EFHB: variants seen among roughly 807,000 people sequenced by gnomAD.
The protein encoded by EFHB is EF-hand domain-containing family member B.
In EFHB, 91 loss-of-function variants were observed where a neutral mutation model predicts 87.2. The ratio of observed to expected loss-of-function variants is 1.04; its 90% CI spans 0.88 to 1.24. The LOEUF (loss-of-function observed/expected upper bound fraction) is 1.24. Ranked by LOEUF, EFHB falls within the 50% of genes most tolerant of loss-of-function variation. The probability of loss-of-function intolerance (pLI) is 0.00; values close to 1 mark genes in which losing one functional copy is unlikely to be tolerated. For missense variants in EFHB, 1,084 were observed against 998.8 expected (o/e 1.09, Z -1.15); for synonymous variants, 325 against 333.6 (o/e 0.97, Z 0.28).
intron 1 of EFHB, among the ~76,000 whole-genome samples, chr3:19,924,297 T>A (rs1189307791): frequency 6.7e-6 from 1 of 149,532 alleles, no homozygotes; most frequent in Admixed American, 6.7e-5. Context: ...CACTATAACC[T>A]CCGCCTCCCA....
intron 5 of EFHB, among the ~76,000 whole-genome samples, chr3:19,911,384 A>G (rs1695056714): frequency 6.6e-6 from 1 of 152,016 alleles, no homozygotes; most frequent in Non-Finnish European, 1.5e-5. Context: ...CAACATGGTG[A>G]AACCCCATCT....
intron 10 of EFHB, among the ~76,000 whole-genome samples, chr3:19,887,442 A>G (rs867582455): frequency 7.9e-5 from 12 of 151,986 alleles, no homozygotes; most frequent in Middle Eastern, 6.9e-3. Flanking sequence ...AAAAAGCCTT[A>G]TATAGTATGT....
At chr3:19,942,310 C>G (rs994508495) in intron 1 of EFHB, 1 of 153,356 alleles carries the variant, frequency 6.5e-6, no homozygotes, top group Non-Finnish European at 1.5e-5. Flanking sequence ...ATAGTTCCAG[C>G]ATCTTTGGTA....
At chr3:19,914,217 C>T (rs1028809341) in intron 5 of EFHB, among the ~76,000 whole-genome samples, 2 of 152,138 alleles carry the variant, frequency 1.3e-5, no homozygotes, top group Non-Finnish European at 2.9e-5. Context: ...GAGTGAGCCA[C>T]CGCACCCAGA....
chr3:19,915,299 T>C lies in EFHB; in HGVS notation c.1288+4A>G. ...AGGCCCATTTTGCATCGGAGGACAC[T>C]TACCTGCATAATAATCATTGTGAGA... On this transcript the variant is annotated splice_donor_region_variant and intron_variant, in intron 5 of 12. Transcript: ENST00000295824. The C allele has an allele frequency of 6.2e-7, 1 of 1,603,812 alleles. No homozygotes were observed. The highest frequency in any genetic ancestry group is 8.5e-7 in the Non-Finnish European group (1 of 1,171,812).
At chr3:19,881,877 T>C (rs1194162311) in intron 12 of EFHB, among the ~76,000 whole-genome samples, 1 of 152,096 alleles carries the variant, frequency 6.6e-6, no homozygotes. Flanking sequence ...GACAGGCTAG[T>C]CTAACTGAGC....
chr3:19,932,543 C>T (rs1695863353), intron 1 of EFHB, among the ~76,000 whole-genome samples: 1 of 152,192 alleles, frequency 6.6e-6, no homozygotes, highest in South Asian at 2.1e-4. Context: ...ATTCTTTCTT[C>T]AGACAAATAC....
chr3:19,885,169 C>T (rs1694053560), intron 10 of EFHB, among the ~76,000 whole-genome samples: 1 of 151,592 alleles, frequency 6.6e-6, no homozygotes, highest in African/African-American at 2.4e-5. Flanking sequence ...TTGCAGTGAG[C>T]CGAGATCGCG....
intron 9 of EFHB, among the ~76,000 whole-genome samples, chr3:19,895,309 G>A (rs1694443280): frequency 1.3e-5 from 2 of 151,578 alleles, no homozygotes; most frequent in South Asian, 2.1e-4. Flanking sequence ...GTGAAACCCC[G>A]TCTGTACTAA....
intron 1 of EFHB, among the ~76,000 whole-genome samples, chr3:19,922,866 C>G (rs529546039): frequency 6.6e-6 from 1 of 152,266 alleles, no homozygotes; most frequent in African/African-American, 2.4e-5. Context: ...TAAGTTTCAA[C>G]TATTATTACA....
intron 4 of EFHB, among the ~76,000 whole-genome samples, chr3:19,917,153 T>G (rs1695260953): frequency 6.6e-6 from 1 of 151,560 alleles, no homozygotes; most frequent in South Asian, 2.1e-4. Context: ...GGAGAATCAT[T>G]TGAGTCCAGG....
intron 9 of EFHB, among the ~76,000 whole-genome samples, chr3:19,891,439 C>T (rs1694302202): frequency 6.6e-6 from 1 of 152,156 alleles, no homozygotes; most frequent in Admixed American, 6.6e-5. Context: ...ACCCTCAATT[C>T]ACAGAACCTC....
intron 1 of EFHB, chr3:19,943,023 T>A: frequency 6.3e-6 from 2 of 315,314 alleles, no homozygotes. Flanking sequence ...CTGCCAACAT[T>A]ATTCACTACC....
intron 2 of EFHB, 67 bp from the exon 3 acceptor site, chr3:19,920,043 A>G (rs566156350): frequency 1.3e-6 from 2 of 1,546,470 alleles, no homozygotes; most frequent in South Asian, 2.4e-5. Context: ...GGACTGATCT[A>G]TACCAATCAA....
chr3:19,938,843 C>G (rs936030074), upstream of EFHB, among the ~76,000 whole-genome samples: 1 of 152,164 alleles, frequency 6.6e-6, no homozygotes, highest in African/African-American at 2.4e-5. Flanking sequence ...GCGGCCTGTA[C>G]TACAGCTCAA....
At chr3:19,940,477 A>C (rs988192846) in intron 1 of EFHB, 8 of 502,084 alleles carry the variant, frequency 1.6e-5, no homozygotes, top group Non-Finnish European at 3.2e-5. Context: ...CCTGACAAGA[A>C]TCTTCTGTTT....
In EFHB at chr3:19,932,242, C is replaced by T. The variant is rs964772883; in HGVS notation, c.789+988G>A. 4.5e-4 allele frequency among the ~76,000 whole-genome samples: 68 copies of T among 152,186 alleles called. 1 individual carries two copies. The highest frequency in any genetic ancestry group is 2.8e-4 in the Non-Finnish European group (19 of 68,026). ...GAACTTTGGAATGTTGTTCTAACTA[C>T]CTACTTGTCATTCAGTATCTCCCCC... On this transcript the variant is annotated intron_variant, in intron 1 of 12. Coordinates refer to ENST00000295824, the MANE Select transcript of EFHB (RefSeq NM_144715.4).
At chr3:19,926,175 C>T (rs916059740) in intron 1 of EFHB, among the ~76,000 whole-genome samples, 2 of 152,108 alleles carry the variant, frequency 1.3e-5, no homozygotes, top group Non-Finnish European at 2.9e-5. Flanking sequence ...TAGTATAGAA[C>T]AGGAAAAAGC....
At chr3:19,894,989 A>AATATATATATATATATATATATATAT (rs1553629698) in intron 9 of EFHB, 76 of 144,450 alleles carry the variant, frequency 5.3e-4, no homozygotes, top group African/African-American at 1.9e-3. Context: ...TGTCTCAAAA[A>AATATATATATATATATATATATATAT]ATATATATAT....
Sources: allele counts gnomAD v4.1 joint callset (sites outside exome capture counted in the v4.1 genomes callset), GRCh38; gene constraint gnomAD v4.1.1; transcripts MANE v1.5; gene names NCBI Gene and HGNC (gene_info 2026-07-23, HGNC 2026-07-21).